Variants in FNIP1 observed in about 807,000 individuals in gnomAD.
The protein encoded by FNIP1 is folliculin interacting protein 1, also known as folliculin-interacting protein 1.
FNIP1 carries 40 observed loss-of-function variants against 124.5 expected under a neutral mutation model. The observed-to-expected ratio is 0.32, with a 90% CI of 0.25 to 0.42. The LOEUF (loss-of-function observed/expected upper bound fraction) is 0.42, where lower values mean the gene tolerates loss of function less well. Among genes scored for constraint, FNIP1 ranks in the 10% least tolerant of loss-of-function variants. The pLI, the probability that FNIP1 is intolerant of heterozygous loss-of-function variation, is 1.00. For missense variants in FNIP1, 1,176 were observed against 1,403.7 expected (o/e 0.84, Z 2.59); for synonymous variants, 472 against 470.6 (o/e 1.00, Z -0.04).
chr5:131,720,958 T>C (rs2149543539), intron 3 of FNIP1, among the ~76,000 whole-genome samples: 1 of 152,330 alleles, frequency 6.6e-6, no homozygotes, highest in Admixed American at 6.5e-5. Flanking sequence ...TACCATGTGA[T>C]CTGGCAATTC....
intron 11 of FNIP1, among the ~76,000 whole-genome samples, chr5:131,693,083 TA>T (rs1228494778): frequency 2.7e-5 from 4 of 150,922 alleles, no homozygotes; most frequent in African/African-American, 4.9e-5. Flanking sequence ...CAGTTAATAA[TA>T]ATATTATATA....
chr5:131,753,612 T>C lies in FNIP1; in HGVS notation c.93-8922A>G, dbSNP rs77574866. On this transcript the variant is annotated intron_variant, in intron 1 of 17. Coordinates refer to ENST00000510461, the MANE Select transcript of FNIP1 (RefSeq NM_133372.3). ...GAGTGAGGGAAATGGAGGAGAAATG[T>C]ATACTAAGGAACTTTCCAGAGTGAT... Among the ~76,000 whole-genome samples the C allele has an allele frequency of 5.8e-3, 881 of 152,316 alleles. 5 individuals are homozygous for C. The highest frequency in any genetic ancestry group is 0.02 in the African/African-American group (840 of 41,580).
intron 10 of FNIP1, among the ~76,000 whole-genome samples, chr5:131,703,731 C>T (rs1018346547): frequency 2.0e-5 from 3 of 152,232 alleles, no homozygotes; most frequent in Admixed American, 6.5e-5. Flanking sequence ...TTTTTCTTCA[C>T]AGGACTTATT....
intron 3 of FNIP1, among the ~76,000 whole-genome samples, chr5:131,727,785 C>G (rs1393011422): frequency 2.0e-5 from 3 of 152,164 alleles, no homozygotes; most frequent in Admixed American, 1.3e-4. Flanking sequence ...ACAGTGTTTA[C>G]AATTTCATAT....
intron 3 of FNIP1, among the ~76,000 whole-genome samples, chr5:131,728,776 A>G (rs936198434): frequency 1.3e-5 from 2 of 152,004 alleles, no homozygotes; most frequent in Non-Finnish European, 2.9e-5. Context: ...TGGTGTTTGG[A>G]ATTTTCAGCC....
intron 11 of FNIP1, among the ~76,000 whole-genome samples, chr5:131,693,810 T>A (rs900158911): frequency 1.3e-5 from 2 of 151,820 alleles, no homozygotes; most frequent in African/African-American, 4.8e-5. Flanking sequence ...GTATTTTTTT[T>A]AAATCTGACA....
intron 15 of FNIP1, among the ~76,000 whole-genome samples, chr5:131,653,447 G>A (rs1450608934): frequency 1.3e-5 from 2 of 151,990 alleles, no homozygotes; most frequent in East Asian, 1.9e-4. Context: ...GCTGAGGCAG[G>A]AGAATGGCTT....
intron 13 of FNIP1, among the ~76,000 whole-genome samples, chr5:131,674,456 T>C (rs1006622275): frequency 6.6e-6 from 1 of 152,124 alleles, no homozygotes; most frequent in Non-Finnish European, 1.5e-5. Flanking sequence ...GGCTTACACA[T>C]GTAATCCCAG....
intron 2 of FNIP1, among the ~76,000 whole-genome samples, chr5:131,732,974 T>C (rs1770150703): frequency 6.6e-6 from 1 of 152,218 alleles, no homozygotes; most frequent in Non-Finnish European, 1.5e-5. Context: ...TGGAATGTTC[T>C]TCCATTTGTT....
intron 13 of FNIP1, among the ~76,000 whole-genome samples, chr5:131,675,111 CA>C (rs1343912823): frequency 6.6e-6 from 1 of 152,210 alleles, no homozygotes; most frequent in East Asian, 1.9e-4. Context: ...CTTATTCGCA[CA>C]AAGCCCCAGT....
intron 13 of FNIP1, among the ~76,000 whole-genome samples, chr5:131,674,054 A>G (rs1767842985): frequency 6.6e-6 from 1 of 152,022 alleles, no homozygotes; most frequent in Admixed American, 6.6e-5. Context: ...TAAAAATAAT[A>G]AAAAATAAAA....
chr5:131,654,087 A>G (rs898483221), intron 15 of FNIP1, among the ~76,000 whole-genome samples: 4 of 152,266 alleles, frequency 2.6e-5, no homozygotes, highest in African/African-American at 9.6e-5. Context: ...ATTGTTAAAA[A>G]TGTTAAGACA....
chr5:131,676,566 T>A (rs1348338369), intron 13 of FNIP1, among the ~76,000 whole-genome samples: 2 of 151,996 alleles, frequency 1.3e-5, no homozygotes, highest in Non-Finnish European at 2.9e-5. Context: ...GAGACCAGCC[T>A]GGGGGAACAT....
chr5:131,693,016 A>T (rs1768532727), intron 11 of FNIP1, among the ~76,000 whole-genome samples: 1 of 151,432 alleles, frequency 6.6e-6, no homozygotes, highest in Non-Finnish European at 1.5e-5. Flanking sequence ...AAAAAAAAAT[A>T]AATTTAAAAA....
intron 16 of FNIP1, among the ~76,000 whole-genome samples, chr5:131,648,137 C>T (rs984510151): frequency 1.4e-5 from 2 of 142,580 alleles, no homozygotes; most frequent in African/African-American, 5.2e-5. Flanking sequence ...CGAGATCAGC[C>T]TGGGCAACAC....
intron 1 of FNIP1, among the ~76,000 whole-genome samples, chr5:131,787,442 G>A (rs1772253575): frequency 6.6e-6 from 1 of 152,110 alleles, no homozygotes; most frequent in Non-Finnish European, 1.5e-5. Context: ...CGCAGTACTG[G>A]GGCATGGATC....
At chr5:131,650,429 A>C (rs570504117) in intron 16 of FNIP1, among the ~76,000 whole-genome samples, 71 of 152,286 alleles carry the variant, frequency 4.7e-4, no homozygotes, top group Non-Finnish European at 5.6e-4. Flanking sequence ...TCATTGTTCG[A>C]ATAAGTATAT....
intron 2 of FNIP1, among the ~76,000 whole-genome samples, chr5:131,735,020 T>C (rs1329101044): frequency 6.6e-6 from 1 of 152,178 alleles, no homozygotes; most frequent in Admixed American, 6.5e-5. Flanking sequence ...GTATGTTTAT[T>C]GCAGCACTAC....
intron 15 of FNIP1, among the ~76,000 whole-genome samples, chr5:131,662,145 A>G (rs1767460154): frequency 1.3e-5 from 2 of 152,106 alleles, no homozygotes; most frequent in Non-Finnish European, 2.9e-5. Context: ...CTTCATCCCA[A>G]ATGTGTCAAG....
Sources: gnomAD v4.1 joint callset for allele counts (sites outside exome capture counted in the v4.1 genomes callset) on GRCh38, gnomAD v4.1.1 for gene constraint, MANE v1.5 for transcripts, NCBI Gene and HGNC (gene_info 2026-07-23, HGNC 2026-07-21) for gene names.